Variants in EPHA6 observed in about 807,000 individuals in gnomAD.
EPHA6 encodes the protein EPH receptor A6, also known as ephrin type-A receptor 6.
A neutral mutation model predicts 112.0 loss-of-function variants in EPHA6; 50 were observed. The observed-to-expected ratio is 0.45, with a 90% CI of 0.36 to 0.56. The LOEUF is 0.56. EPHA6 is among the 20% of genes least tolerant of loss of function. EPHA6 has a pLI of 0.00. For synonymous variants in EPHA6, 529 were observed against 490.7 expected, an observed-to-expected ratio of 1.08 and a Z score of -1.03; for missense variants, 1,280 against 1,417.4, an observed-to-expected ratio of 0.90 and a Z score of 1.56.
chr3:97,214,902 A>T (rs2077990325), intron 3 of EPHA6, among the ~76,000 whole-genome samples: 1 of 152,186 alleles, frequency 6.6e-6, no homozygotes, highest in Admixed American at 6.5e-5. Context: ...CTTGACAACA[A>T]TATTTATTGT....
chr3:96,824,284 G>T (rs565607972), intron 1 of EPHA6, among the ~76,000 whole-genome samples: 1 of 151,410 alleles, frequency 6.6e-6, no homozygotes, highest in African/African-American at 2.4e-5. Flanking sequence ...AAGCTAAATG[G>T]TATATATATA....
Position 97,266,509 on chromosome 3 carries a change from TA to T in EPHA6, c.1606+22232del, listed in dbSNP as rs148282035. On this transcript the variant is annotated intron_variant, in intron 5 of 17. Coordinates refer to ENST00000389672, the MANE Select transcript of EPHA6 (RefSeq NM_001080448.3). ...AAAAAAAAGAAAATAAAATCGGGCT[TA>T]AAAAAAAAATTTGCTACCACTAGCC... Among the ~76,000 whole-genome samples, 557 of 150,600 alleles carry T rather than the reference TA, an allele frequency of 3.7e-3. 1 individual carries two copies. Among genetic ancestry groups the T allele is most frequent in the African/African-American group, 0.012 (509 of 41,180 alleles).
At chr3:97,685,141 A>C (rs1282562255) in intron 14 of EPHA6, among the ~76,000 whole-genome samples, 2 of 152,214 alleles carry the variant, frequency 1.3e-5, no homozygotes, top group African/African-American at 4.8e-5. Flanking sequence ...AAAAGTTATA[A>C]AACAGAAATA....
At position 97,760,935 on chromosome 3, in the gene EPHA6, C is replaced by G; in HGVS notation, c.*12234C>G. 5.1e-6 allele frequency: 1 copy of G among 197,732 alleles called. No individual in the cohort carries two copies. The highest frequency in any genetic ancestry group is 6.0e-5 in the Admixed American group (1 of 16,564). 12.2% of individuals were successfully genotyped at this position (197,732 alleles called of 1,614,324 possible). On this transcript the variant is annotated 3_prime_UTR_variant, in exon 18 of 18. Transcript: ENST00000389672. ...CTTACAAAAGGGGAAAAAGATTTAT[C>G]TATGAGAATAGGGAAGTATAGCACT...
chr3:97,101,338 A>C (rs746272332), intron 3 of EPHA6, among the ~76,000 whole-genome samples: 1 of 152,072 alleles, frequency 6.6e-6, no homozygotes, highest in Non-Finnish European at 1.5e-5. Flanking sequence ...GGATGAACTC[A>C]ACTACAAAAT....
At chr3:97,070,501 G>T (rs760832217) in intron 3 of EPHA6, among the ~76,000 whole-genome samples, 3 of 152,064 alleles carry the variant, frequency 2.0e-5, no homozygotes, top group Non-Finnish European at 2.9e-5. Context: ...TTGACATCTT[G>T]ATATACTGGT....
intron 15 of EPHA6, among the ~76,000 whole-genome samples, chr3:97,723,029 A>T (rs1188008766): frequency 6.6e-6 from 1 of 152,212 alleles, no homozygotes; most frequent in African/African-American, 2.4e-5. Context: ...CCACTTTAAC[A>T]GTAACATGCT....
intron 5 of EPHA6, among the ~76,000 whole-genome samples, chr3:97,318,299 A>G (rs1231997016): frequency 6.6e-6 from 1 of 152,100 alleles, no homozygotes; most frequent in African/African-American, 2.4e-5. Context: ...TGAAGTTTAG[A>G]TCATTTAAAG....
intron 2 of EPHA6, among the ~76,000 whole-genome samples, chr3:96,928,469 C>T (rs1252803961): frequency 6.6e-6 from 1 of 152,200 alleles, no homozygotes; most frequent in Non-Finnish European, 1.5e-5. Context: ...TTTGATTACA[C>T]TGTGGCCTGA....
At chr3:97,363,494 G>T (rs963742196) in intron 5 of EPHA6, among the ~76,000 whole-genome samples, 1 of 151,314 alleles carries the variant, frequency 6.6e-6, no homozygotes, top group African/African-American at 2.4e-5. Context: ...AATCAATGTT[G>T]CAATCCACAG....
chr3:97,638,483 T>G (rs1435853911), intron 14 of EPHA6, among the ~76,000 whole-genome samples: 3 of 152,178 alleles, frequency 2.0e-5, no homozygotes, highest in African/African-American at 7.2e-5. Context: ...CTGAAATGAC[T>G]TTATTTCCAA....
At chr3:97,434,698 ATAT>A (rs1373525822) in intron 6 of EPHA6, among the ~76,000 whole-genome samples, 1 of 152,124 alleles carries the variant, frequency 6.6e-6, no homozygotes, top group African/African-American at 2.4e-5. Context: ...TAATTCATAA[ATAT>A]TGTATCTCTT....
At chr3:97,408,565 A>G (rs1160673058) in intron 6 of EPHA6, among the ~76,000 whole-genome samples, 3 of 152,186 alleles carry the variant, frequency 2.0e-5, no homozygotes, top group East Asian at 3.9e-4. Context: ...AACAATAGAC[A>G]TTTATTTCCC....
rs992310327 is a variant in EPHA6, at chr3:97,017,478, C to T, written c.1114+29485C>T. 2.0e-5 allele frequency among the ~76,000 whole-genome samples: 3 copies of T among 152,208 alleles called. No homozygotes were observed. The East Asian group carries it at 5.8e-4, about 29-fold the overall frequency. ...CAAAAAATTGAGTTCTGGCAAGTCTCACCCGCACATGCTAAAGTGCTTGGG... is the reference window on the plus strand; with the variant it reads ...CAAAAAATTGAGTTCTGGCAAGTCTTACCCGCACATGCTAAAGTGCTTGGG... On this transcript the variant is annotated intron_variant, in intron 3 of 17. Coordinates refer to ENST00000389672, the MANE Select transcript of EPHA6 (RefSeq NM_001080448.3).
chr3:97,602,513 G>A (rs909727575), intron 12 of EPHA6, among the ~76,000 whole-genome samples: 1 of 152,064 alleles, frequency 6.6e-6, no homozygotes, highest in African/African-American at 2.4e-5. Context: ...AGATGGCCAA[G>A]CATTCAGACT....
Position 97,427,466 on chromosome 3 carries a change from A to G in EPHA6, c.1732-21102A>G, listed in dbSNP as rs1160033879. On this transcript the variant is annotated intron_variant, in intron 6 of 17. Coordinates refer to ENST00000389672, the MANE Select transcript of EPHA6 (RefSeq NM_001080448.3). The stretch of plus-strand genomic sequence containing the variant: ...AGAAAACCAAATATTGCATGTTCTC[A>G]CTTATAAGTGGGAGCTAAATGATGA... Among the ~76,000 whole-genome samples the G allele has an allele frequency of 3.3e-5, 5 of 152,296 alleles. No homozygotes were observed. The East Asian group carries it at 9.6e-4, about 29-fold the overall frequency.
chr3:96,972,963 T>A (rs527502032), intron 2 of EPHA6, among the ~76,000 whole-genome samples: 1 of 152,218 alleles, frequency 6.6e-6, no homozygotes, highest in Non-Finnish European at 1.5e-5. Context: ...TGCCAGCATA[T>A]TATCTGAATA....
intron 2 of EPHA6, among the ~76,000 whole-genome samples, chr3:96,913,210 A>ACC (rs1553728908): frequency 8.5e-6 from 1 of 117,532 alleles, no homozygotes; most frequent in Non-Finnish European, 1.7e-5. Flanking sequence ...ACACACACAC[A>ACC]CACCACACAC....
In EPHA6 at chr3:96,892,905, ATCTAG is replaced by A. The variant is rs544095651; in HGVS notation, c.450+26023_450+26027del. On this transcript the variant is annotated intron_variant, in intron 2 of 17. Coordinates refer to ENST00000389672, the MANE Select transcript of EPHA6 (RefSeq NM_001080448.3). ...TATTCCAGTTTATTAGTCACTTTTT[ATCTAG>A]TCTAGTGTTTAGCCTAGCCTGATTC... Among the ~76,000 whole-genome samples, 378 of 151,508 alleles carry A rather than the reference ATCTAG, an allele frequency of 2.5e-3. 2 individuals are homozygous for A. The highest frequency in any genetic ancestry group is 5.6e-3 in the South Asian group (27 of 4,810).
Sources: gnomAD v4.1 joint callset for allele counts (sites outside exome capture counted in the v4.1 genomes callset) on GRCh38, gnomAD v4.1.1 for gene constraint, MANE v1.5 for transcripts, NCBI Gene and HGNC (gene_info 2026-07-23, HGNC 2026-07-21) for gene names.